The following SYNJ1 variants were observed in gnomAD, a reference collection of about 807,000 sequenced individuals.
SYNJ1 encodes the protein synaptojanin 1.
SYNJ1 carries 78 observed loss-of-function variants against 168.2 expected under a neutral mutation model. That is an observed-to-expected ratio of 0.46 (90% CI 0.39 to 0.56). The LOEUF is 0.56. Ranked by LOEUF, SYNJ1 falls within the 20% of genes least tolerant of loss-of-function variation. The pLI, the probability that SYNJ1 is intolerant of heterozygous loss-of-function variation, is 0.00. For missense variants in SYNJ1, 1,303 were observed against 1,597.6 expected (o/e 0.82, Z 3.14); for synonymous variants, 539 against 548.6 (o/e 0.98, Z 0.24).
intron 6 of SYNJ1, among the ~76,000 whole-genome samples, chr21:32,691,933 T>C (rs1205128558): frequency 1.3e-5 from 2 of 152,204 alleles, no homozygotes; most frequent in South Asian, 4.1e-4. Flanking sequence ...GGCCTGAAGT[T>C]GGACAGGCTG....
At chr21:32,659,315 A>G (rs1452420936) in intron 18 of SYNJ1, among the ~76,000 whole-genome samples, 2 of 151,726 alleles carry the variant, frequency 1.3e-5, no homozygotes, top group Non-Finnish European at 2.9e-5. Context: ...TACATAATAT[A>G]TTTTTCTTTA....
At chr21:32,678,543 A>G in intron 12 of SYNJ1, 102 bp downstream of exon 12, 1 of 1,300,154 alleles carries the variant, frequency 7.7e-7, no homozygotes, top group Non-Finnish European at 1.0e-6. Context: ...AATCCCTTCA[A>G]AAACTATTTT....
intron 2 of SYNJ1, among the ~76,000 whole-genome samples, chr21:32,712,037 C>A (rs1028583536): frequency 6.6e-6 from 1 of 152,200 alleles, no homozygotes; most frequent in Non-Finnish European, 1.5e-5. Flanking sequence ...ATAAAGCCAT[C>A]CAAATGAAGG....
intron 6 of SYNJ1, among the ~76,000 whole-genome samples, chr21:32,689,352 A>C (rs1315892215): frequency 3.9e-5 from 6 of 152,126 alleles, no homozygotes; most frequent in African/African-American, 1.4e-4. Flanking sequence ...GCTGGAGTGC[A>C]TTGGCGTGAT....
rs2042341561 is a variant in SYNJ1 at position 32,699,959 on chromosome 21, G to A, written c.358C>T (p.Arg120Trp). 4.3e-6 allele frequency: 7 copies of A among 1,613,980 alleles called. No individual in the cohort carries two copies. The highest frequency in any genetic ancestry group is 2.7e-5 in the African/African-American group (2 of 74,882). ...SSDEDRISEV[R>W]KVLNSGNFYF... ...AAGTTTCCTGAATTCAAAACTTTCC[G>A]CACTTCTGAAATGCGATCCTCATCT... The change falls in exon 4 of 33, where the codon CGG (arginine) becomes TGG (tryptophan). Residue 120 changes from arginine to tryptophan, a missense_variant. Coordinates refer to ENST00000674351, the MANE Select transcript of SYNJ1 (RefSeq NM_203446.3).
chr21:32,640,117 C>T lies in SYNJ1; in HGVS notation c.3589-338G>A, dbSNP rs1048277787. Among the ~76,000 whole-genome samples the T allele has an allele frequency of 2.0e-5, 3 of 152,196 alleles. No individual in the cohort carries two copies. The South Asian group carries it at 6.2e-4, about 32-fold the overall frequency. Reference sequence around the variant, plus strand: ...TATATACAACTTGCCCAAAGCCACACAGAAAGCAGAGCCAGGATCCAAACT... The same window carrying T: ...TATATACAACTTGCCCAAAGCCACATAGAAAGCAGAGCCAGGATCCAAACT... On this transcript the variant is annotated intron_variant, in intron 29 of 32. Coordinates refer to ENST00000674351, the MANE Select transcript of SYNJ1 (RefSeq NM_203446.3).
upstream of SYNJ1, chr21:32,728,115 A>G (rs2043564068): frequency 1.4e-6 from 2 of 1,438,954 alleles, no homozygotes; most frequent in Non-Finnish European, 1.8e-6. Context: ...GACCACGCCC[A>G]CTCTGCGCCG....
intron 12 of SYNJ1, among the ~76,000 whole-genome samples, chr21:32,677,029 A>T (rs1166200315): frequency 6.6e-6 from 1 of 152,220 alleles, no homozygotes; most frequent in Non-Finnish European, 1.5e-5. Flanking sequence ...TCTTGAATGA[A>T]GTTGGCTTGT....
In SYNJ1 at chr21:32,659,664, G is replaced by A. The variant is rs142812111; in HGVS notation, c.2305-1792C>T. On this transcript the variant is annotated intron_variant, in intron 18 of 32. Coordinates refer to ENST00000674351, the MANE Select transcript of SYNJ1 (RefSeq NM_203446.3). ...TCAATTGATCATGACCCTATCACGC[G>A]GACCCCCTTGGAGTTGTAAGCCCTT... Among the ~76,000 whole-genome samples the A allele has an allele frequency of 4.9e-4, 75 of 152,194 alleles. 3 individuals carry two copies. In the East Asian group the frequency reaches 0.013, roughly 27 times the overall value.
At position 32,684,122 on chromosome 21, in the gene SYNJ1, G is replaced by A; in HGVS notation, c.1119-3C>T. The A allele has an allele frequency of 6.2e-7, 1 of 1,612,644 alleles. No homozygotes were observed. ...TTCGAACTGTACCACTCTGGCATCT[G>A]TAACCAATAAAGTTAAATATCCAGT... On this transcript the variant is annotated splice_polypyrimidine_tract_variant and splice_region_variant and intron_variant, in intron 9 of 32. Coordinates refer to ENST00000674351, the MANE Select transcript of SYNJ1 (RefSeq NM_203446.3).
At chr21:32,676,453 C>T in intron 12 of SYNJ1, 98 bp from the exon 13 acceptor site, 2 of 1,159,110 alleles carry the variant, frequency 1.7e-6, no homozygotes, top group East Asian at 4.9e-5. Flanking sequence ...GAAGACCTCA[C>T]TTAAGTCAAT....
At position 32,646,435 on chromosome 21, in the gene SYNJ1, T is replaced by C. The variant is rs149817769; in HGVS notation, c.3205A>G (p.Ser1069Gly). The stretch of plus-strand genomic sequence containing the variant: ...CCAGGAGTTCTTGACGGTGCTCGGC[T>C]TGGTCTGATGGGAAGGGAAGGTACA... ...GPVPSLPIRP[S>G]RAPSRTPGPP... The change falls in exon 24 of 33, where the codon AGC (serine) becomes GGC (glycine). Residue 1069 changes from serine to glycine, a missense_variant. Ser to Gly is a moderately conservative substitution (Grantham distance 56, BLOSUM62 0). Around this residue, in one of 2 missense-constraint regions of SYNJ1, gnomAD observed 383 missense variants for 388.8 expected, o/e 0.99. Coordinates refer to ENST00000674351, the MANE Select transcript of SYNJ1 (RefSeq NM_203446.3). 1.4e-4 allele frequency: 223 copies of C among 1,614,168 alleles called. 1 individual carries two copies. The African/African-American group carries it at 2.8e-3, about 20-fold the overall frequency.
intron 24 of SYNJ1, 64 bp downstream of exon 24, chr21:32,646,329 A>C: frequency 6.6e-7 from 1 of 1,505,782 alleles, no homozygotes; most frequent in Non-Finnish European, 9.1e-7. Context: ...TTAAACGATG[A>C]CTCTCCAACA....
intron 26 of SYNJ1, among the ~76,000 whole-genome samples, chr21:32,643,839 G>A (rs924705393): frequency 1.3e-5 from 2 of 152,186 alleles, no homozygotes; most frequent in African/African-American, 2.4e-5. Flanking sequence ...AAATTTCTAT[G>A]AGACTACGTA....
At chr21:32,692,452 C>G (rs1023971014) in intron 6 of SYNJ1, among the ~76,000 whole-genome samples, 3 of 152,072 alleles carry the variant, frequency 2.0e-5, no homozygotes, top group African/African-American at 7.2e-5. Flanking sequence ...TGGCACGCGC[C>G]TATAGTCCCA....
At chr21:32,672,024 A>G (rs1379951578) in intron 14 of SYNJ1, among the ~76,000 whole-genome samples, 1 of 139,678 alleles carries the variant, frequency 7.2e-6, no homozygotes, top group Non-Finnish European at 1.5e-5. Context: ...CTGCCACTGC[A>G]CTCCAGCCTG....
In SYNJ1 at chr21:32,678,648, G is replaced by A. The variant is rs115061921; in HGVS notation, c.1507C>T (p.Arg503Cys). 21 of 1,600,266 alleles carry A rather than the reference G, an allele frequency of 1.3e-5. No homozygotes were observed. Among genetic ancestry groups the A allele is most frequent in the Middle Eastern group, 1.7e-4 (1 of 6,016 alleles). ...ATAAAATATAAAGTGCACATACCAC[G>A]CAAACTTCCAGTAGTTAAAAGTGCT... Reference protein sequence around the residue: ...ARALLTTGSLRVSEQTLQSAS... With the variant: ...ARALLTTGSLCVSEQTLQSAS... The change falls in exon 12 of 33, where the codon CGT becomes TGT. Residue 503 changes from arginine (R) to cysteine (C), a missense_variant. Arg to Cys is a radical substitution (Grantham distance 180, BLOSUM62 -3). Around this residue, in one of 2 missense-constraint regions of SYNJ1, gnomAD observed 920 missense variants for 1,208.8 expected, o/e 0.76. Coordinates refer to ENST00000674351, the MANE Select transcript of SYNJ1 (RefSeq NM_203446.3).
At chr21:32,709,477 CAAAAAAAAAAAA>C (rs35527256) in intron 2 of SYNJ1, among the ~76,000 whole-genome samples, 1 of 39,430 alleles carries the variant, frequency 2.5e-5, no homozygotes, top group Admixed American at 4.3e-4. Context: ...GACTCTGTCT[CAAAAAAAAAAAA>C]AAAAAAAAAA....
intron 32 of SYNJ1, among the ~76,000 whole-genome samples, chr21:32,632,367 A>G (rs964261837): frequency 2.0e-5 from 3 of 151,544 alleles, no homozygotes; most frequent in African/African-American, 7.3e-5. Flanking sequence ...ATAAATTTTG[A>G]GAGTTCTTTG....
Sources: gnomAD v4.1 joint callset for allele counts (sites outside exome capture counted in the v4.1 genomes callset) on GRCh38, gnomAD v4.1.1 for gene constraint, gnomAD v4.1.1 regional missense constraint, MANE v1.5 for transcripts, NCBI Gene and HGNC (gene_info 2026-07-23, HGNC 2026-07-21) for gene names.